HMCN2: variants seen among roughly 807,000 people sequenced by gnomAD.
HMCN2 encodes the protein hemicentin 2.
HMCN2 carries 325 observed loss-of-function variants against 377.5 expected under a neutral mutation model. The ratio of observed to expected loss-of-function variants is 0.86; its 90% CI spans 0.79 to 0.94. The LOEUF is 0.94. Among genes scored for constraint, HMCN2 ranks in the 40% least tolerant of loss-of-function variants. The pLI is 0.00. For synonymous variants in HMCN2, 2,007 were observed against 2,046.8 expected, an observed-to-expected ratio of 0.98 and a Z score of 0.53; for missense variants, 4,543 against 4,725.3, an observed-to-expected ratio of 0.96 and a Z score of 1.13.
chr9:130,432,360 G>C (rs1241523235), intron 96 of HMCN2, 69 bp from the exon 97 acceptor site: 1 of 1,459,436 alleles, frequency 6.9e-7, no homozygotes, highest in African/African-American at 1.4e-5. Context: ...TTCTCCCCAC[G>C]CACTCCCCCC....
At chr9:130,365,808 C>A in intron 42 of HMCN2, 68 bp from the exon 43 acceptor site, 1 of 981,988 alleles carries the variant, frequency 1.0e-6, no homozygotes, top group Non-Finnish European at 1.2e-6. Flanking sequence ...TCCAGCCTGC[C>A]CTCGCCTTGC....
At chr9:130,348,209 T>A (rs972849957) in intron 26 of HMCN2, among the ~76,000 whole-genome samples, 1 of 152,210 alleles carries the variant, frequency 6.6e-6, no homozygotes, top group Admixed American at 6.5e-5. Context: ...GGCCTCACCT[T>A]CAGAGATTCT....
intron 23 of HMCN2, among the ~76,000 whole-genome samples, chr9:130,339,395 A>T (rs1838932495): frequency 6.6e-6 from 1 of 152,052 alleles, no homozygotes; most frequent in Non-Finnish European, 1.5e-5. Flanking sequence ...CTAAGCTCAC[A>T]CCCCATTTTA....
At position 130,423,019 on chromosome 9, in the gene HMCN2, T is replaced by C. The variant is rs529830903; in HGVS notation, c.13381+293T>C. Among the ~76,000 whole-genome samples the C allele has an allele frequency of 3.3e-5, 5 of 152,140 alleles. No homozygotes were observed. Among genetic ancestry groups the C allele is most frequent in the East Asian group, 1.9e-4 (1 of 5,180 alleles). On this transcript the variant is annotated intron_variant, in intron 87 of 97. Coordinates refer to ENST00000683500, the MANE Select transcript of HMCN2 (RefSeq NM_001291815.2). The surrounding 1 kb of genome is among the most constrained non-coding windows in gnomAD (Gnocchi z 5.5). Reference sequence around the variant, plus strand: ...TGTTCTGGGGGTGCGGGCGCTCAGATTGTGGTTTCCCAAGCCACCGATGGC... The same window carrying C: ...TGTTCTGGGGGTGCGGGCGCTCAGACTGTGGTTTCCCAAGCCACCGATGGC...
intron 81 of HMCN2, 82 bp from the exon 82 acceptor site, chr9:130,405,873 T>G: frequency 1.8e-4 from 193 of 1,049,880 alleles, no homozygotes; most frequent in Non-Finnish European, 2.3e-4. Context: ...GGATGCTCCA[T>G]GAGAACCTTC....
chr9:130,344,132 G>T (rs1024126436), intron 25 of HMCN2, among the ~76,000 whole-genome samples: 17 of 152,340 alleles, frequency 1.1e-4, no homozygotes, highest in East Asian at 3.9e-4. Flanking sequence ...GGTAAACAAG[G>T]TTCCACAGCA....
rs1165460330 is a variant in HMCN2 at position 130,430,039 on chromosome 9, G to C, written c.14327-245G>C. 9 of 602,392 alleles carry C rather than the reference G, an allele frequency of 1.5e-5. No homozygotes were observed. In the East Asian group the frequency reaches 2.2e-4, roughly 15 times the overall value. The allele number at this position is 602,392 out of a possible 1,614,324, so 37.3% of individuals were successfully genotyped here. ...CTAACTGGGGCACTGAAGGGCTGAG[G>C]GGGAGCTGGAGTCTGGGACGAGGCT... is the stretch of plus-strand genomic sequence containing the variant. On this transcript the variant is annotated intron_variant, in intron 94 of 97. Coordinates refer to ENST00000683500, the MANE Select transcript of HMCN2 (RefSeq NM_001291815.2).
chr9:130,427,720 C>T, intron 92 of HMCN2, 101 bp downstream of exon 92: 1 of 1,387,052 alleles, frequency 7.2e-7, no homozygotes, highest in Non-Finnish European at 9.6e-7. Flanking sequence ...GGGACACAGA[C>T]CTGCAGGGAT....
intron 15 of HMCN2, among the ~76,000 whole-genome samples, chr9:130,314,622 C>T (rs1837439515): frequency 1.3e-5 from 2 of 152,164 alleles, no homozygotes; most frequent in Admixed American, 1.3e-4. Context: ...CCCCGGGGTC[C>T]ACTTTGCCCA....
At chr9:130,355,943 C>A in intron 33 of HMCN2, 89 bp downstream of exon 33, 1 of 941,302 alleles carries the variant, frequency 1.1e-6, no homozygotes, top group Non-Finnish European at 1.5e-6. Flanking sequence ...AGGAGAGAGG[C>A]TTCCTGTTTC....
At chr9:130,424,749 C>G (rs1490465796) in intron 87 of HMCN2, 27 bp from the exon 88 acceptor site, 1 of 1,514,774 alleles carries the variant, frequency 6.6e-7, no homozygotes, top group Non-Finnish European at 8.8e-7. Flanking sequence ...CAGCTCTAAC[C>G]CGGCCTCTAT....
At chr9:130,371,318 C>A (rs1167232902) in intron 46 of HMCN2, among the ~76,000 whole-genome samples, 187 bp downstream of exon 46, 5 of 151,358 alleles carry the variant, frequency 3.3e-5, no homozygotes, top group Non-Finnish European at 7.4e-5. Flanking sequence ...AGGAAAATAT[C>A]ATGGATTTAG....
In HMCN2 at chr9:130,356,569, G is replaced by C. The variant is rs536200018; in HGVS notation, c.5425+312G>C. 3.9e-5 allele frequency among the ~76,000 whole-genome samples: 6 copies of C among 152,328 alleles called. No homozygotes were observed. The East Asian group carries it at 1.2e-3, about 29-fold the overall frequency. ...CTTTCTCTTGTCTTCGTCTACGTTT[G>C]CTGTTCCTTCTGCCCAGAACTTTCT... On this transcript the variant is annotated intron_variant, in intron 34 of 97. Transcript: ENST00000683500.
intron 81 of HMCN2, among the ~76,000 whole-genome samples, chr9:130,405,698 A>G (rs1200924332): frequency 1.3e-5 from 2 of 152,250 alleles, no homozygotes; most frequent in African/African-American, 2.4e-5. Flanking sequence ...GGCAGCACAC[A>G]GTAGGTGTTT....
chr9:130,370,818 G>T (rs1244265342), intron 45 of HMCN2, 146 bp from the exon 46 acceptor site: 1 of 368,668 alleles, frequency 2.7e-6, no homozygotes, highest in Non-Finnish European at 3.8e-6. Context: ...CCTCACTTTA[G>T]GGGGAGCAGC....
chr9:130,341,374 C>T lies in HMCN2; in HGVS notation c.3742+9C>T, dbSNP rs1453490297. On this transcript the variant is annotated intron_variant, in intron 24 of 97. Transcript: ENST00000683500. ...GGAGCTCAGGGTGCTGGGTGAGTCT[C>T]CCTGGCCCCAGAACCTGCTTCTCCC... The T allele has an allele frequency of 1.3e-5, 2 of 152,388 alleles. No individual in the cohort carries two copies. The highest frequency in any genetic ancestry group is 3.9e-4 in the East Asian group (2 of 5,176). The allele number at this position is 152,388 out of a possible 1,614,324, so 9.4% of individuals were successfully genotyped here. A position where few individuals can be genotyped will look rare whatever the true frequency, so the allele number is the denominator to read the frequency against.
Position 130,383,687 on chromosome 9 carries a change from T to C in HMCN2, c.8830+87T>C, listed in dbSNP as rs528773543. 88 of 546,074 alleles carry C rather than the reference T, an allele frequency of 1.6e-4. No individual in the cohort carries two copies. In the South Asian group the frequency reaches 6.4e-3, roughly 40 times the overall value. 33.8% of individuals were successfully genotyped at this position (546,074 alleles called of 1,614,324 possible). On this transcript the variant is annotated intron_variant, in intron 57 of 97. Transcript: ENST00000683500. ...TTGGGGCTTCCAGTATCCTGGGCTCTGGGTCCTGCAATCAGAGTTCAGGGA... is the reference window on the plus strand; with the variant it reads ...TTGGGGCTTCCAGTATCCTGGGCTCCGGGTCCTGCAATCAGAGTTCAGGGA...
intron 37 of HMCN2, among the ~76,000 whole-genome samples, chr9:130,359,896 C>G (rs1840268186): frequency 6.6e-6 from 1 of 152,136 alleles, no homozygotes; most frequent in South Asian, 2.1e-4. Context: ...GGATATTTGC[C>G]CCCTCTCGTG....
intron 1 of HMCN2, among the ~76,000 whole-genome samples, chr9:130,276,557 G>A (rs563976268): frequency 2.0e-5 from 3 of 152,208 alleles, no homozygotes; most frequent in Admixed American, 2.0e-4. Flanking sequence ...GGGTGTTCAG[G>A]GAGAGGCCCT....
Sources: gnomAD v4.1 joint callset for allele counts (sites outside exome capture counted in the v4.1 genomes callset) on GRCh38, gnomAD v4.1.1 for gene constraint, Gnocchi (gnomAD v3.1) non-coding constraint, MANE v1.5 for transcripts, NCBI Gene and HGNC (gene_info 2026-07-23, HGNC 2026-07-21) for gene names.